CCDC33: variants seen among roughly 807,000 people sequenced by gnomAD.
CCDC33 encodes the protein coiled-coil domain-containing protein 33.
A neutral mutation model predicts 91.9 loss-of-function variants in CCDC33; 94 were observed. That is an observed-to-expected ratio of 1.02 (90% CI 0.87 to 1.21). CCDC33 has a LOEUF of 1.21. CCDC33 is among the 50% of genes most tolerant of loss of function. The pLI is 0.00. For synonymous variants in CCDC33, 396 were observed against 374.5 expected (o/e 1.06, Z -0.66); for missense variants, 940 against 935.5 (o/e 1.00, Z -0.06).
chr15:74,211,849 ACTTTC>A (rs1427542199), intron 2 of CCDC33, among the ~76,000 whole-genome samples: 3 of 149,586 alleles, frequency 2.0e-5, no homozygotes, highest in Admixed American at 6.6e-5. Flanking sequence ...GTCTCTCTCT[ACTTTC>A]CTTCTGTCTC....
At chr15:74,306,425 G>A (rs1195164515) in intron 11 of CCDC33, among the ~76,000 whole-genome samples, 5 of 152,190 alleles carry the variant, frequency 3.3e-5, no homozygotes, top group Admixed American at 1.3e-4. Context: ...CATCAGTGGC[G>A]GTTAGCATGA....
In CCDC33 at chr15:74,268,435, G is replaced by A. The variant is rs56107695; in HGVS notation, c.523G>A (p.Gly175Ser). Residue 175 changes from glycine (G) to serine (S), a missense_variant, in exon 5 of 19, where the codon GGC (glycine) becomes AGC (serine). Coordinates refer to ENST00000398814, the MANE Select transcript of CCDC33 (RefSeq NM_025055.5). Reference sequence around the variant, plus strand: ...GAGCAGCTTCATACCCCGCTACATCGGCTGCAACCACATGGCTCTGGAGGT... The same window carrying A: ...GAGCAGCTTCATACCCCGCTACATCAGCTGCAACCACATGGCTCTGGAGGT... ...RKSSFIPRYI[G>S]CNHMALEIFL... The A allele has an allele frequency of 1.1e-5, 18 of 1,611,684 alleles. No individual in the cohort carries two copies. The highest frequency in any genetic ancestry group is 3.3e-5 in the South Asian group (3 of 90,990).
chr15:74,254,678 G>T (rs1179889037), intron 2 of CCDC33, among the ~76,000 whole-genome samples: 2 of 151,340 alleles, frequency 1.3e-5, no homozygotes, highest in Non-Finnish European at 2.9e-5. Flanking sequence ...CTTTGTCCCA[G>T]TACCCTGCGA....
chr15:74,228,285 C>G (rs1322502531), intron 2 of CCDC33, among the ~76,000 whole-genome samples: 2 of 152,194 alleles, frequency 1.3e-5, no homozygotes, highest in African/African-American at 4.8e-5. Flanking sequence ...TTCTCTGCCC[C>G]CTCCAGCTGT....
chr15:74,272,641 A>G, intron 6 of CCDC33, 130 bp from the exon 7 acceptor site: 1 of 1,223,762 alleles, frequency 8.2e-7, no homozygotes, highest in Non-Finnish European at 1.1e-6. Flanking sequence ...CGTGAGGTCC[A>G]GGCCCGAACT....
At chr15:74,323,172 C>G (rs1368077814) in intron 11 of CCDC33, among the ~76,000 whole-genome samples, 2 of 152,072 alleles carry the variant, frequency 1.3e-5, no homozygotes, top group Non-Finnish European at 2.9e-5. Context: ...AGACCTTACC[C>G]ACAGCACCCA....
At chr15:74,304,826 C>G (rs1420179035) in intron 11 of CCDC33, among the ~76,000 whole-genome samples, 1 of 152,208 alleles carries the variant, frequency 6.6e-6, no homozygotes, top group Admixed American at 6.5e-5. Context: ...ACTCCTCCAG[C>G]CTTGTCCCTC....
intron 4 of CCDC33, among the ~76,000 whole-genome samples, chr15:74,267,770 G>A (rs187624515): frequency 1.4e-4 from 22 of 152,276 alleles, no homozygotes; most frequent in Admixed American, 1.3e-4. Flanking sequence ...TGGCACAGTC[G>A]TTTTGAGGAT....
At position 74,208,119 on chromosome 15, in the gene CCDC33, G is replaced by A. The variant is rs557718756; in HGVS notation, n.90-1269G>A. Reference sequence around the variant, plus strand: ...ACTGGTGAGGAGGAGGAGGGTAGCCGGCTGTGCCAGGGGAGCAGCATGTTC... The same window carrying A: ...ACTGGTGAGGAGGAGGAGGGTAGCCAGCTGTGCCAGGGGAGCAGCATGTTC... On this transcript the variant is annotated intron_variant and non_coding_transcript_variant, in intron 1 of 3. Transcript: ENST00000558645. The A allele has an allele frequency of 3.4e-4, 366 of 1,070,888 alleles. No homozygotes were observed. In the African/African-American group the frequency reaches 5.3e-3, roughly 15 times the overall value. The allele number at this position is 1,070,888 out of a possible 1,614,324, so 66.3% of individuals were successfully genotyped here.
chr15:74,267,912 C>G (rs562696323), intron 4 of CCDC33, among the ~76,000 whole-genome samples: 1 of 152,296 alleles, frequency 6.6e-6, no homozygotes, highest in South Asian at 2.1e-4. Flanking sequence ...CACCAGGGGG[C>G]TTTACCTTCT....
At chr15:74,256,302 C>G (rs1372670092) in intron 2 of CCDC33, among the ~76,000 whole-genome samples, 1 of 152,182 alleles carries the variant, frequency 6.6e-6, no homozygotes, top group Non-Finnish European at 1.5e-5. Flanking sequence ...ACGAGTTAAG[C>G]AGGGAATGAG....
At chr15:74,314,389 GGAA>G (rs2060051470) in intron 11 of CCDC33, among the ~76,000 whole-genome samples, 1 of 152,208 alleles carries the variant, frequency 6.6e-6, no homozygotes, top group Admixed American at 6.5e-5. Flanking sequence ...CCTGGGTGGG[GGAA>G]AGGCAGTGCT....
At position 74,268,371 on chromosome 15, in the gene CCDC33, C is replaced by T; in HGVS notation, c.459C>T (p.Ala153=). Residue 153 remains alanine, a synonymous_variant, in exon 5 of 19, where the codon GCC becomes GCT. Coordinates refer to ENST00000398814, the MANE Select transcript of CCDC33 (RefSeq NM_025055.5). The part of the protein sequence containing the change: ...KPTESGKADE[A]TAKTQLYATV... The stretch of plus-strand genomic sequence containing the variant: ...CTGAGTCTGGGAAAGCCGATGAAGC[C>T]ACTGCCAAGACCCAGTTGTACGCAA... The T allele has an allele frequency of 1.2e-6, 2 of 1,613,820 alleles. No homozygotes were observed. The highest frequency in any genetic ancestry group is 1.7e-6 in the Non-Finnish European group (2 of 1,179,766).
intron 1 of CCDC33, chr15:74,203,246 A>G: frequency 1.0e-6 from 1 of 980,432 alleles, no homozygotes; most frequent in Non-Finnish European, 1.2e-6. Context: ...CAAGGAGATA[A>G]CTCACCCCCA....
chr15:74,209,350 C>T (rs2074332218), intron 1 of CCDC33: 2 of 1,532,654 alleles, frequency 1.3e-6, no homozygotes, highest in Non-Finnish European at 8.7e-7. Flanking sequence ...TGAGGAACCC[C>T]CTACTTACCT....
intron 7 of CCDC33, among the ~76,000 whole-genome samples, chr15:74,277,589 T>A (rs1399460664): frequency 1.3e-5 from 2 of 152,182 alleles, no homozygotes; most frequent in Non-Finnish European, 2.9e-5. Flanking sequence ...CCCGCCCCCA[T>A]CCTGCACACA....
chr15:74,309,543 C>T (rs561998157), intron 11 of CCDC33, among the ~76,000 whole-genome samples: 2 of 152,296 alleles, frequency 1.3e-5, no homozygotes, highest in Admixed American at 1.3e-4. Context: ...AGCCCTTATC[C>T]CCAGGCTGGC....
intron 1 of CCDC33, among the ~76,000 whole-genome samples, chr15:74,238,590 C>G (rs548146529): frequency 2.0e-5 from 3 of 151,498 alleles, no homozygotes; most frequent in African/African-American, 7.3e-5. Flanking sequence ...TCCTTTTTTT[C>G]TTTTCTTTGT....
intron 11 of CCDC33, chr15:74,311,401 G>A (rs2059991168): frequency 6.6e-6 from 1 of 152,212 alleles, no homozygotes; most frequent in Non-Finnish European, 1.5e-5. Context: ...GAAAATGAGA[G>A]CCTAGGATTC....
Sources: allele counts gnomAD v4.1 joint callset (sites outside exome capture counted in the v4.1 genomes callset), GRCh38; gene constraint gnomAD v4.1.1; transcripts MANE v1.5; gene names NCBI Gene and HGNC (gene_info 2026-07-23, HGNC 2026-07-21).